Variants in TRIM9 observed in about 807,000 individuals in gnomAD.
The protein encoded by TRIM9 is E3 ubiquitin-protein ligase TRIM9.
TRIM9 carries 26 observed loss-of-function variants against 78.3 expected under a neutral mutation model. That is an observed-to-expected ratio of 0.33 (90% CI 0.24 to 0.46). The LOEUF (loss-of-function observed/expected upper bound fraction) is 0.46, where lower values mean the gene tolerates loss of function less well. Among genes scored for constraint, TRIM9 ranks in the 20% least tolerant of loss-of-function variants. The pLI, the probability that TRIM9 is intolerant of heterozygous loss-of-function variation, is 1.00. For synonymous variants in TRIM9, 398 were observed against 416.5 expected, an observed-to-expected ratio of 0.96 and a Z score of 0.54; for missense variants, 787 against 1,036.4, an observed-to-expected ratio of 0.76 and a Z score of 3.30.
chr14:51,069,553 C>T (rs7156654), intron 1 of TRIM9, among the ~76,000 whole-genome samples: 30,898 of 152,106 alleles, frequency 0.2, 3,289 homozygotes, highest in Non-Finnish European at 0.24. Context: ...ACTGCAAATC[C>T]GAGGCCCTCG....
At chr14:51,009,338 G>C in intron 4 of TRIM9, 105 bp from the exon 5 acceptor site, 1 of 1,411,918 alleles carries the variant, frequency 7.1e-7, no homozygotes, top group Non-Finnish European at 9.7e-7. Context: ...CTGCCTTGAG[G>C]ACTCATACTC....
chr14:50,992,527 C>T (rs11157787), intron 7 of TRIM9, among the ~76,000 whole-genome samples: 38,489 of 151,832 alleles, frequency 0.25, 5,040 homozygotes, highest in Non-Finnish European at 0.28. Context: ...GAGCCACGAT[C>T]GTGACACTGC....
intron 7 of TRIM9, among the ~76,000 whole-genome samples, chr14:50,987,714 A>G (rs1309440470): frequency 6.6e-6 from 1 of 152,316 alleles, no homozygotes; most frequent in East Asian, 1.9e-4. Context: ...CCCAAGCACC[A>G]CAAACTGGCA....
chr14:51,031,089 A>G lies in TRIM9; in HGVS notation c.823-5729T>C, dbSNP rs1049659628. 2.9e-5 allele frequency among the ~76,000 whole-genome samples: 4 copies of G among 138,020 alleles called. No homozygotes were observed. The Admixed American group carries it at 3.3e-4, about 11-fold the overall frequency. The allele number at this position is 138,020 out of a possible 152,430, so 90.5% of individuals were successfully genotyped here. ...CTTGAACCTGAGAGGCGGAGGTTGC[A>G]GTGAGCTGTGATTGCGCCATTGCAC... On this transcript the variant is annotated intron_variant, in intron 1 of 12. Coordinates refer to ENST00000684578, the MANE Select transcript of TRIM9 (RefSeq NM_001387360.1).
chr14:51,017,253 A>G (rs1285808063), intron 3 of TRIM9, among the ~76,000 whole-genome samples: 1 of 152,190 alleles, frequency 6.6e-6, no homozygotes. Flanking sequence ...ACCACCTTCT[A>G]TACTAATGTT....
chr14:51,009,045 T>A (rs374460582), intron 5 of TRIM9, 35 bp downstream of exon 5: 3 of 1,609,160 alleles, frequency 1.9e-6, no homozygotes, highest in Non-Finnish European at 2.5e-6. Flanking sequence ...CCACTCAGGA[T>A]GTTGCTCTCT....
intron 5 of TRIM9, among the ~76,000 whole-genome samples, chr14:51,007,763 T>G (rs1264526319): frequency 6.6e-6 from 1 of 150,914 alleles, no homozygotes. Context: ...TTTCAAAAAT[T>G]TTTGAAGCCA....
intron 1 of TRIM9, among the ~76,000 whole-genome samples, chr14:51,073,741 G>A (rs2062507852): frequency 6.6e-6 from 1 of 152,188 alleles, no homozygotes; most frequent in Non-Finnish European, 1.5e-5. Flanking sequence ...GGTGTGATCA[G>A]TTTGTGGAAA....
chr14:51,034,251 T>A (rs1596230934), intron 1 of TRIM9, among the ~76,000 whole-genome samples: 2 of 152,300 alleles, frequency 1.3e-5, no homozygotes, highest in South Asian at 4.1e-4. Context: ...AACACACACT[T>A]AGATAGCACT....
Position 51,022,860 on chromosome 14 carries a change from T to C in TRIM9, c.1016A>G (p.Asn339Ser). Reference sequence around the variant, plus strand: ...CTTCAGCTTGTGCTCATGCTCCTTGTTGACGCGGGCCAGCAGCTGGGCTTT... The same window carrying C: ...CTTCAGCTTGTGCTCATGCTCCTTGCTGACGCGGGCCAGCAGCTGGGCTTT... ...RRKAQLLARV[N>S]KEHEHKLKVV... is the part of the protein sequence containing the mutation. The change falls in exon 3 of 13, where the codon AAC (asparagine) becomes AGC (serine). Residue 339 changes from asparagine (N) to serine (S), a missense_variant. Asn to Ser is a conservative substitution (Grantham distance 46). Transcript: ENST00000684578. 1 of 1,614,210 alleles carries C rather than the reference T, an allele frequency of 6.2e-7. No homozygotes were observed. The highest frequency in any genetic ancestry group is 8.5e-7 in the Non-Finnish European group (1 of 1,180,024).
chr14:50,994,500 A>G (rs964857655), intron 7 of TRIM9, among the ~76,000 whole-genome samples: 1 of 152,192 alleles, frequency 6.6e-6, no homozygotes. Context: ...GACTAAATAG[A>G]TAGACTTTGT....
At chr14:51,010,711 C>G (rs1213558107) in intron 3 of TRIM9, among the ~76,000 whole-genome samples, 1 of 152,162 alleles carries the variant, frequency 6.6e-6, no homozygotes, top group African/African-American at 2.4e-5. Context: ...CAGGACCCAT[C>G]AGAAGGGAAG....
chr14:51,006,408 G>A lies in TRIM9; in HGVS notation c.1306+2672C>T, dbSNP rs180716598. Among the ~76,000 whole-genome samples the A allele has an allele frequency of 1.9e-3, 291 of 152,302 alleles. 3 individuals carry two copies. Among genetic ancestry groups the A allele is most frequent in the Admixed American group, 0.018 (278 of 15,294 alleles). On this transcript the variant is annotated intron_variant, in intron 5 of 12. Coordinates refer to ENST00000684578, the MANE Select transcript of TRIM9 (RefSeq NM_001387360.1). ...GATGAACGCCACAACAGGAAGAGTT[G>A]TGTATATATTAACAGATATTACAGA...
chr14:51,046,218 T>C (rs1258754341), intron 1 of TRIM9, among the ~76,000 whole-genome samples: 2 of 152,098 alleles, frequency 1.3e-5, no homozygotes, highest in African/African-American at 4.8e-5. Flanking sequence ...GTGGTTACAA[T>C]AGGGCAACGC....
chr14:51,023,954 T>C (rs1238788523), intron 2 of TRIM9, among the ~76,000 whole-genome samples: 2 of 152,358 alleles, frequency 1.3e-5, no homozygotes, highest in South Asian at 4.1e-4. Flanking sequence ...TCTTTTTATA[T>C]AATAATCAAC....
intron 1 of TRIM9, among the ~76,000 whole-genome samples, chr14:51,075,976 C>T (rs909972726): frequency 2.0e-5 from 3 of 151,992 alleles, no homozygotes; most frequent in African/African-American, 7.3e-5. Context: ...TTTTTCACTG[C>T]TATATTCCCA....
chr14:51,020,536 C>T (rs1193333192), intron 3 of TRIM9, among the ~76,000 whole-genome samples: 1 of 152,200 alleles, frequency 6.6e-6, no homozygotes, highest in Non-Finnish European at 1.5e-5. Context: ...TGCTCAGTGG[C>T]CCCCAAATGC....
At chr14:51,089,791 G>A (rs1288822168) in intron 1 of TRIM9, among the ~76,000 whole-genome samples, 1 of 152,156 alleles carries the variant, frequency 6.6e-6, no homozygotes, top group Non-Finnish European at 1.5e-5. Context: ...CCTATGCTCT[G>A]AAAAGGATCC....
In TRIM9 at chr14:51,046,752, C is replaced by A. The variant is rs143985473; in HGVS notation, c.823-21392G>T. Among the ~76,000 whole-genome samples, 188 of 152,266 alleles carry A rather than the reference C, an allele frequency of 1.2e-3. 1 individual carries two copies. The highest frequency in any genetic ancestry group is 4.3e-3 in the African/African-American group (178 of 41,554). On this transcript the variant is annotated intron_variant, in intron 1 of 12. Transcript: ENST00000684578. ...CATGTATTACCCGTAAAACCCTGGG[C>A]AAATTAAAAACTCTATACCTTCGTT...
Sources: gnomAD v4.1 joint callset for allele counts (sites outside exome capture counted in the v4.1 genomes callset) on GRCh38, gnomAD v4.1.1 for gene constraint, MANE v1.5 for transcripts, NCBI Gene and HGNC (gene_info 2026-07-23, HGNC 2026-07-21) for gene names.